The following NFRKB variants were observed in gnomAD, a reference collection of about 807,000 sequenced individuals.
NFRKB encodes nuclear factor related to kappaB binding protein.
NFRKB carries 62 observed loss-of-function variants against 135.7 expected under a neutral mutation model. That is an observed-to-expected ratio of 0.46 (90% confidence interval 0.37 to 0.56). The LOEUF is 0.56. NFRKB is among the 20% of genes least tolerant of loss of function. The pLI, the probability that NFRKB is intolerant of heterozygous loss-of-function variation, is 0.00. For missense variants in NFRKB, 1,545 were observed against 1,662.0 expected (o/e 0.93, Z 1.22); for synonymous variants, 678 against 635.6 (o/e 1.07, Z -1.00).
Position 129,870,187 on chromosome 11 carries a change from G to A in NFRKB, c.2838C>T (p.Arg946=), listed in dbSNP as rs1244783090. ...GACGCAATACATCCTTACCCTGGATGCGGAAGTTAGTGGCTGTGAGTGGAA... is the reference window on the plus strand; with the variant it reads ...GACGCAATACATCCTTACCCTGGATACGGAAGTTAGTGGCTGTGAGTGGAA... The part of the protein sequence containing the change: ...NSIPLTATNF[R]IQGKDVLRLP... The change falls in exon 24 of 27, where the codon CGC becomes CGT. Residue 946 remains arginine (R), a synonymous_variant. Transcript: ENST00000682444. 5 of 1,614,106 alleles carry A rather than the reference G, an allele frequency of 3.1e-6. No homozygotes were observed. Among genetic ancestry groups the A allele is most frequent in the Non-Finnish European group, 4.2e-6 (5 of 1,180,050 alleles).
At position 129,872,914 on chromosome 11, in the gene NFRKB, T is replaced by C. The variant is rs1948581988; in HGVS notation, c.2733A>G (p.Gln911=). 2 of 1,612,824 alleles carry C rather than the reference T, an allele frequency of 1.2e-6. No individual in the cohort carries two copies. The highest frequency in any genetic ancestry group is 2.2e-5 in the East Asian group (1 of 44,838). The change falls in exon 23 of 27, where the codon CAA becomes CAG. Residue 911 remains glutamine, a synonymous_variant. Coordinates refer to ENST00000682444, the MANE Select transcript of NFRKB (RefSeq NM_001143835.2). ...APSASTAAVI[Q]NVTGQNIIKQ... The stretch of plus-strand genomic sequence containing the variant: ...TGATGATGTTCTGTCCTGTGACATT[T>C]TGAATGACGGCAGCCGTGGAGGCAC...
chr11:129,886,245 C>T (rs1024206368), intron 5 of NFRKB, 72 bp downstream of exon 5: 4 of 1,538,372 alleles, frequency 2.6e-6, no homozygotes, highest in Admixed American at 2.0e-5. Context: ...GTGTTTTGCA[C>T]CTGAATTGCT....
rs1175640806 is a variant in NFRKB at position 129,882,135 on chromosome 11, GAGA to G, written c.1139_1141del (p.Phe380del). On this transcript the variant is annotated inframe_deletion, in exon 11 of 27. Coordinates refer to ENST00000682444, the MANE Select transcript of NFRKB (RefSeq NM_001143835.2). ...CAGCAGCAAGATCTCTAATAGAAGA[GAGA>G]AGAAGCTGGAAGATATTTCATTGAT... is the stretch of plus-strand genomic sequence containing the variant. The G allele has an allele frequency of 6.2e-7, 1 of 1,613,676 alleles. No homozygotes were observed. The highest frequency in any genetic ancestry group is 1.1e-5 in the South Asian group (1 of 90,982).
chr11:129,881,800 G>C lies in NFRKB; in HGVS notation c.1245C>G (p.Ser415Arg), dbSNP rs1475192572. Reference sequence around the variant, plus strand: ...CCCAGTTGGGGGCCGCAGAGAACCAGCTGTTGAGGGAGCTGGCTGGCGATG... The same window carrying C: ...CCCAGTTGGGGGCCGCAGAGAACCACCTGTTGAGGGAGCTGGCTGGCGATG... The part of the protein sequence containing the change: ...WQSSPASSLN[S>R]WFSAAPNWAE... The change falls in exon 12 of 27, where the codon AGC (serine) becomes AGG (arginine). Residue 415 changes from serine (S) to arginine (R), a missense_variant. By Grantham distance (110) the Ser-to-Arg change is moderately radical. This residue lies in a region of NFRKB where 678 missense variants were observed against 646.7 expected (regional missense o/e 1.05). Coordinates refer to ENST00000682444, the MANE Select transcript of NFRKB (RefSeq NM_001143835.2). 1 of 1,613,496 alleles carries C rather than the reference G, an allele frequency of 6.2e-7. No individual in the cohort carries two copies. The highest frequency in any genetic ancestry group is 1.7e-5 in the Admixed American group (1 of 59,870).
chr11:129,889,998 C>T (rs56221944), intron 3 of NFRKB, among the ~76,000 whole-genome samples: 1,872 of 140,734 alleles, frequency 0.013, 43 homozygotes, highest in African/African-American at 0.048. Flanking sequence ...ATTTTATATA[C>T]GCTTCTGTGT....
Position 129,874,591 on chromosome 11 carries a change from G to A in NFRKB, c.1979-11C>T, listed in dbSNP as rs139518291. ...CTTGGTGAATCCGCTCTGTGAACAA[G>A]AGGGGCAAGCTTCAGCCAGAGTTTA... On this transcript the variant is annotated splice_polypyrimidine_tract_variant and intron_variant, in intron 19 of 26. Coordinates refer to ENST00000682444, the MANE Select transcript of NFRKB (RefSeq NM_001143835.2). This position sits in a 1 kb window ranked among gnomAD's most constrained non-coding sequence, Gnocchi z 4.5. 1,774 of 1,613,734 alleles carry A rather than the reference G, an allele frequency of 1.1e-3. 7 individuals carry two copies. The African/African-American group carries it at 0.019, about 17-fold the overall frequency.
chr11:129,874,940 A>G lies in NFRKB; in HGVS notation c.1855-24T>C. On this transcript the variant is annotated intron_variant, in intron 18 of 26. Transcript: ENST00000682444. This position sits in a 1 kb window ranked among gnomAD's most constrained non-coding sequence, Gnocchi z 4.5. Reference sequence around the variant, plus strand: ...ACCTACAAATCAGACAAAGGGAAATAAGAAACAAGTCAAGCTTAGATAACA... The same window carrying G: ...ACCTACAAATCAGACAAAGGGAAATGAGAAACAAGTCAAGCTTAGATAACA... 6.2e-7 allele frequency: 1 copy of G among 1,613,628 alleles called. No homozygotes were observed.
intron 3 of NFRKB, among the ~76,000 whole-genome samples, chr11:129,891,952 G>C (rs1453363913): frequency 3.3e-5 from 5 of 152,168 alleles, no homozygotes; most frequent in Admixed American, 6.5e-5. Flanking sequence ...ATTTCACAGT[G>C]AAGATTAAGT....
chr11:129,885,188 T>A (rs2303661), intron 6 of NFRKB, among the ~76,000 whole-genome samples: 1 of 151,908 alleles, frequency 6.6e-6, no homozygotes, highest in Admixed American at 6.5e-5. Context: ...TCTGGCGGGC[T>A]CTCATCTAAG....
chr11:129,893,883 C>G (rs1380574342), intron 2 of NFRKB: 1 of 152,210 alleles, frequency 6.6e-6, no homozygotes, highest in Non-Finnish European at 1.5e-5. Flanking sequence ...TCTTGTATAA[C>G]CTCGCAACAT....
intron 16 of NFRKB, 59 bp from the exon 17 acceptor site, chr11:129,876,954 C>A: frequency 6.7e-7 from 1 of 1,502,310 alleles, no homozygotes; most frequent in Non-Finnish European, 9.1e-7. Context: ...CTCTCTCGGG[C>A]TTCCTTACAA....
intron 13 of NFRKB, among the ~76,000 whole-genome samples, chr11:129,878,793 G>A (rs1948894638): frequency 2.0e-5 from 3 of 152,222 alleles, no homozygotes; most frequent in Admixed American, 1.3e-4. Context: ...CACTGCATGT[G>A]ACGCTAAGGT....
intron 25 of NFRKB, 51 bp from the exon 26 acceptor site, chr11:129,865,152 T>C: frequency 6.3e-7 from 1 of 1,580,392 alleles, no homozygotes; most frequent in Non-Finnish European, 8.6e-7. Flanking sequence ...AGGTATTCTC[T>C]GGCCCAGATT....
chr11:129,883,647 T>A (rs1004502385), intron 8 of NFRKB, among the ~76,000 whole-genome samples: 9 of 152,198 alleles, frequency 5.9e-5, no homozygotes, highest in Non-Finnish European at 1.2e-4. Flanking sequence ...CAAAAAGGTA[T>A]CATCTTTTCT....
intron 7 of NFRKB, 114 bp from the exon 8 acceptor site, chr11:129,884,257 A>T: frequency 1.9e-6 from 2 of 1,053,516 alleles, no homozygotes; most frequent in Non-Finnish European, 2.9e-6. Flanking sequence ...TGTGAACTAC[A>T]AGTACCAAAA....
chr11:129,885,386 CG>C, intron 6 of NFRKB, 48 bp downstream of exon 6: 1 of 1,545,210 alleles, frequency 6.5e-7, no homozygotes, highest in Non-Finnish European at 8.8e-7. Flanking sequence ...GACAAGTGGC[CG>C]GTATCCATCC....
chr11:129,867,811 C>T (rs1024571630), intron 24 of NFRKB, among the ~76,000 whole-genome samples: 10 of 152,238 alleles, frequency 6.6e-5, no homozygotes, highest in African/African-American at 2.4e-4. Flanking sequence ...TGCTCCTTAC[C>T]TAGAGGCTGA....
At position 129,864,455 on chromosome 11, in the gene NFRKB, C is replaced by T. The variant is rs907966194; in HGVS notation, c.*270G>A. 1.3e-5 allele frequency: 5 copies of T among 392,778 alleles called. No homozygotes were observed. The highest frequency in any genetic ancestry group is 4.9e-5 in the East Asian group (1 of 20,426). The allele number at this position is 392,778 out of a possible 1,614,324, so 24.3% of individuals were successfully genotyped here. A position where few individuals can be genotyped will look rare whatever the true frequency, so the allele number is the denominator to read the frequency against. On this transcript the variant is annotated 3_prime_UTR_variant, in exon 27 of 27. Coordinates refer to ENST00000682444, the MANE Select transcript of NFRKB (RefSeq NM_001143835.2). ...ACTCTCAGAACTCTGGCTTGTTGGA[C>T]GTAACTGGTAATTCCTGCAATTTCA...
In NFRKB at chr11:129,864,816, T is replaced by C. The variant is rs1464345633; in HGVS notation, c.3809A>G (p.Gln1270Arg). 1.9e-6 allele frequency: 3 copies of C among 1,614,068 alleles called. No individual in the cohort carries two copies. Among genetic ancestry groups the C allele is most frequent in the Non-Finnish European group, 2.5e-6 (3 of 1,179,958 alleles). ...RIQTVPASHLQQGTASGSSKA... is the reference protein window; with the variant it reads ...RIQTVPASHLRQGTASGSSKA... ...GGAGGAGCCAGAAGCTGTTCCCTGT[T>C]GGAGATGGGATGCAGGGACAGTCTG... The change falls in exon 27 of 27, where the codon CAA (glutamine) becomes CGA (arginine). Residue 1270 changes from glutamine (Q) to arginine (R), a missense_variant. Around this residue, in one of 3 missense-constraint regions of NFRKB, gnomAD observed 753 missense variants for 804.3 expected, o/e 0.94. Coordinates refer to ENST00000682444, the MANE Select transcript of NFRKB (RefSeq NM_001143835.2).
Sources: gnomAD v4.1 joint callset for allele counts (sites outside exome capture counted in the v4.1 genomes callset) on GRCh38, gnomAD v4.1.1 for gene constraint, gnomAD v4.1.1 regional missense constraint, Gnocchi (gnomAD v3.1) non-coding constraint, MANE v1.5 for transcripts, NCBI Gene and HGNC (gene_info 2026-07-23, HGNC 2026-07-21) for gene names.